OCA2: variants seen among roughly 807,000 people sequenced by gnomAD.
The protein encoded by OCA2 is P protein.
A neutral mutation model predicts 100.2 loss-of-function variants in OCA2; 77 were observed. The observed-to-expected ratio is 0.77, with a 90% CI of 0.64 to 0.93. The LOEUF is 0.93. Among genes scored for constraint, OCA2 ranks in the 40% least tolerant of loss-of-function variants. The pLI, the probability that OCA2 is intolerant of heterozygous loss-of-function variation, is 0.00. For missense variants in OCA2, 1,062 were observed against 1,089.1 expected, an observed-to-expected ratio of 0.98 and a Z score of 0.35; for synonymous variants, 432 against 439.2, an observed-to-expected ratio of 0.98 and a Z score of 0.21.
chr15:27,819,652 T>G (rs34607819), intron 23 of OCA2, among the ~76,000 whole-genome samples: 43 of 152,232 alleles, frequency 2.8e-4, no homozygotes, highest in African/African-American at 1.0e-3. Context: ...GGTAATGATA[T>G]GGACTTGGCT....
chr15:28,003,701 G>C (rs2041999862), intron 9 of OCA2, among the ~76,000 whole-genome samples: 1 of 148,216 alleles, frequency 6.7e-6, no homozygotes, highest in African/African-American at 2.7e-5. Flanking sequence ...CGGCCCTCGG[G>C]GGTTCTTAGA....
chr15:28,076,915 T>C (rs574853967), intron 2 of OCA2, among the ~76,000 whole-genome samples: 1 of 152,102 alleles, frequency 6.6e-6, no homozygotes, highest in East Asian at 1.9e-4. Context: ...CCAATTGTAT[T>C]TAAGTACATC....
In OCA2 at chr15:27,913,904, CAAGCAAGCAAGCAAGCAAGCAAGCAAGA is replaced by C. The variant is rs1259366659; in HGVS notation, c.2079+12195_2079+12222del. 4.6e-4 allele frequency among the ~76,000 whole-genome samples: 24 copies of C among 51,866 alleles called. 2 individuals are homozygous for C. Among genetic ancestry groups the C allele is most frequent in the African/African-American group, 1.7e-3 (19 of 10,982 alleles). 34.0% of individuals were successfully genotyped at this position (51,866 alleles called of 152,430 possible). ...GAAAGAAAGAAAGAAAGCAAGCAAG[CAAGCAAGCAAGCAAGCAAGCAAGCAAGA>C]AAGAAAGAAAAAAATTTCAGGCCAA... On this transcript the variant is annotated intron_variant, in intron 19 of 23. Transcript: ENST00000354638.
At chr15:28,084,154 G>A (rs898506715) in intron 1 of OCA2, among the ~76,000 whole-genome samples, 4 of 152,232 alleles carry the variant, frequency 2.6e-5, no homozygotes, top group Admixed American at 2.6e-4. Flanking sequence ...TGTGGACACG[G>A]CGAGAAGATG....
chr15:27,935,499 G>A (rs1421094392), intron 18 of OCA2, among the ~76,000 whole-genome samples: 1 of 152,180 alleles, frequency 6.6e-6, no homozygotes, highest in Non-Finnish European at 1.5e-5. Flanking sequence ...TCCCCCAGCA[G>A]CCTCCTCCGC....
At chr15:27,972,857 TATTTTATTTTATTTTATTTTA>T (rs2040842250) in intron 14 of OCA2, among the ~76,000 whole-genome samples, 1 of 142,698 alleles carries the variant, frequency 7.0e-6, no homozygotes, top group Non-Finnish European at 1.5e-5. Flanking sequence ...TATTTTATTT[TATTTTATTTTATTTTATTTTA>T]TTTTTGTGAC....
At position 28,070,314 on chromosome 15, in the gene OCA2, G is replaced by T. The variant is rs1476866896; in HGVS notation, c.227+11334C>A. On this transcript the variant is annotated intron_variant, in intron 2 of 23. Transcript: ENST00000354638. ...CCACCCCGTCCGGGAGGGAGGTGGG[G>T]GGGGGTCAGCCCCCCGCCCGGCCAG... Among the ~76,000 whole-genome samples, 9 of 142,406 alleles carry T rather than the reference G, an allele frequency of 6.3e-5. No homozygotes were observed. In the South Asian group the frequency reaches 1.4e-3, roughly 22 times the overall value. 93.4% of individuals were successfully genotyped at this position (142,406 alleles called of 152,430 possible).
In OCA2 at chr15:28,098,686, A is replaced by G. The variant is rs137882568; in HGVS notation, c.-22+538T>C. 2.3e-4 allele frequency among the ~76,000 whole-genome samples: 35 copies of G among 152,332 alleles called. 1 individual carries two copies. In the East Asian group the frequency reaches 6.4e-3, roughly 28 times the overall value. ...GGCCCCTGCCTGGTTCTGCAAACCC[A>G]GAGCGTCCACATACCAGGCTTCCTG... On this transcript the variant is annotated intron_variant, in intron 1 of 23. Coordinates refer to ENST00000354638, the MANE Select transcript of OCA2 (RefSeq NM_000275.3).
chr15:28,007,804 T>A (rs1353856446), intron 9 of OCA2, among the ~76,000 whole-genome samples: 1 of 152,046 alleles, frequency 6.6e-6, no homozygotes, highest in African/African-American at 2.4e-5. Flanking sequence ...AGGATGATTA[T>A]CTGTAGGACC....
chr15:27,999,624 GACA>G (rs900252359), intron 9 of OCA2, among the ~76,000 whole-genome samples: 14 of 152,044 alleles, frequency 9.2e-5, no homozygotes, highest in Non-Finnish European at 1.5e-5. Context: ...AGAGCAATTA[GACA>G]ACAACAACAA....
chr15:27,954,892 C>T (rs573482205), intron 17 of OCA2, among the ~76,000 whole-genome samples: 1 of 152,276 alleles, frequency 6.6e-6, no homozygotes, highest in Non-Finnish European at 1.5e-5. Context: ...CAGGGACACC[C>T]GCTCAGAGGG....
intron 21 of OCA2, among the ~76,000 whole-genome samples, chr15:27,851,862 G>A (rs753537843): frequency 6.6e-6 from 1 of 152,180 alleles, no homozygotes; most frequent in Non-Finnish European, 1.5e-5. Context: ...CAAGTGTGCT[G>A]TTACTCCTTC....
chr15:27,723,223 G>GC, the OCA2 span, among the ~76,000 whole-genome samples: 51 of 151,940 alleles, frequency 3.4e-4, no homozygotes, highest in South Asian at 1.5e-3. Flanking sequence ...ATCCTCCTCT[G>GC]CCCCCCCACT....
intron 23 of OCA2, among the ~76,000 whole-genome samples, chr15:27,791,403 C>A (rs1566965723): frequency 6.6e-6 from 1 of 152,074 alleles, no homozygotes; most frequent in South Asian, 2.1e-4. Flanking sequence ...TGAAAGAAGC[C>A]AGACCCAAAA....
At chr15:27,894,211 T>C (rs897767596) in intron 19 of OCA2, among the ~76,000 whole-genome samples, 1 of 152,136 alleles carries the variant, frequency 6.6e-6, no homozygotes, top group Non-Finnish European at 1.5e-5. Context: ...ACTAGAAAAT[T>C]CTACCAGGCC....
At chr15:28,056,402 A>C (rs2043698074) in intron 2 of OCA2, among the ~76,000 whole-genome samples, 2 of 152,118 alleles carry the variant, frequency 1.3e-5, no homozygotes, top group Admixed American at 1.3e-4. Flanking sequence ...CCCCCAGAAA[A>C]TTTGTCCACA....
the OCA2 span, among the ~76,000 whole-genome samples, chr15:27,725,430 T>A: frequency 6.6e-6 from 1 of 152,072 alleles, no homozygotes; most frequent in Non-Finnish European, 1.5e-5. Flanking sequence ...TAGCTGAGCA[T>A]GATGGTGGGT....
intron 19 of OCA2, among the ~76,000 whole-genome samples, chr15:27,908,911 G>A (rs1460634737): frequency 1.3e-5 from 2 of 152,164 alleles, no homozygotes; most frequent in Non-Finnish European, 2.9e-5. Flanking sequence ...TTATTAGTTA[G>A]ATAATGGTGG....
intron 19 of OCA2, among the ~76,000 whole-genome samples, chr15:27,921,973 T>C (rs2038874019): frequency 6.6e-6 from 1 of 152,210 alleles, no homozygotes; most frequent in African/African-American, 2.4e-5. Context: ...CACTGTATTC[T>C]TACAATAAAG....
Sources: gnomAD v4.1 joint callset for allele counts (sites outside exome capture counted in the v4.1 genomes callset) on GRCh38, gnomAD v4.1.1 for gene constraint, MANE v1.5 for transcripts, NCBI Gene and HGNC (gene_info 2026-07-23, HGNC 2026-07-21) for gene names.